Variants in ACYP2 observed in about 807,000 individuals in gnomAD.
ACYP2 encodes acylphosphatase-2.
Under a neutral mutation model 11.2 loss-of-function variants are expected in ACYP2, and 12 were observed. The observed-to-expected ratio is 1.08, with a 90% CI of 0.69 to 1.74. ACYP2 has a LOEUF of 1.74. Ranked by LOEUF, ACYP2 falls within the 40% of genes most tolerant of loss-of-function variation. The probability of loss-of-function intolerance (pLI) is 0.00; values close to 1 mark genes in which losing one functional copy is unlikely to be tolerated. For missense variants in ACYP2, 134 were observed against 101.9 expected (o/e 1.31, Z -1.35); for synonymous variants, 43 against 32.2 (o/e 1.33, Z -1.13).
intron 6 of ACYP2, among the ~76,000 whole-genome samples, chr2:54,229,739 G>T (rs1373870194): frequency 6.6e-6 from 1 of 152,092 alleles, no homozygotes; most frequent in African/African-American, 2.4e-5. Context: ...TAGTTTCTTA[G>T]AACTAGTTGT....
At chr2:54,023,985 A>T (rs924603035) in intron 2 of ACYP2, among the ~76,000 whole-genome samples, 2 of 152,212 alleles carry the variant, frequency 1.3e-5, no homozygotes, top group Non-Finnish European at 2.9e-5. Flanking sequence ...GAAAGGACAT[A>T]ACAAAAAAAG....
rs114384501 is a variant in ACYP2 at position 54,210,262 on chromosome 2, A to C, written c.404+71514A>C. Among the ~76,000 whole-genome samples the C allele has an allele frequency of 5.2e-3, 799 of 152,200 alleles. 5 individuals carry two copies. Among genetic ancestry groups the C allele is most frequent in the African/African-American group, 0.018 (765 of 41,526 alleles). On this transcript the variant is annotated intron_variant, in intron 6 of 6. Coordinates refer to ENST00000607452, the MANE Select transcript of ACYP2 (RefSeq NM_001320586.2). ...AGCAGAGTTCCCCAAGTTGAGAAAT[A>C]GATCCCATCCTCTTTTAGAAAAATA... is the stretch of plus-strand genomic sequence containing the variant.
intron 6 of ACYP2, chr2:54,267,272 C>G: frequency 6.5e-7 from 1 of 1,546,160 alleles, no homozygotes; most frequent in Non-Finnish European, 8.7e-7. Flanking sequence ...AAAGGAAATT[C>G]AGAATTTCCA....
chr2:54,267,749 G>T (rs1688102614), intron 6 of ACYP2, among the ~76,000 whole-genome samples: 1 of 152,104 alleles, frequency 6.6e-6, no homozygotes. Context: ...ATGATTGTTG[G>T]CAAAAGAACA....
chr2:54,227,236 A>T (rs1686045515), intron 6 of ACYP2, among the ~76,000 whole-genome samples: 2 of 152,242 alleles, frequency 1.3e-5, no homozygotes, highest in Non-Finnish European at 2.9e-5. Context: ...AAAGCAGTTT[A>T]ACTAAGTATT....
intron 4 of ACYP2, among the ~76,000 whole-genome samples, chr2:54,131,212 G>C (rs1283784968): frequency 6.6e-6 from 1 of 152,184 alleles, no homozygotes; most frequent in Non-Finnish European, 1.5e-5. Context: ...GATTATGTTA[G>C]TGTGAATAAA....
chr2:53,994,068 C>T lies in ACYP2; in HGVS notation c.62+20258C>T, dbSNP rs371139546. Reference sequence around the variant, plus strand: ...CCAGGCGGCTGGGCGTAGTGGCTCACGCCTGTAATCCCAGCACTTTGGGAG... The same window carrying T: ...CCAGGCGGCTGGGCGTAGTGGCTCATGCCTGTAATCCCAGCACTTTGGGAG... On this transcript the variant is annotated intron_variant, in intron 2 of 6. Transcript: ENST00000607452. Among the ~76,000 whole-genome samples the T allele has an allele frequency of 1.1e-3, 162 of 152,160 alleles. 1 individual carries two copies. Among genetic ancestry groups the T allele is most frequent in the African/African-American group, 3.6e-3 (148 of 41,526 alleles).
At chr2:54,207,244 A>G (rs113185473) in intron 6 of ACYP2, among the ~76,000 whole-genome samples, 1 of 147,690 alleles carries the variant, frequency 6.8e-6, no homozygotes, top group African/African-American at 2.5e-5. Flanking sequence ...TGCAATTATG[A>G]TGGTGGGCAA....
At chr2:54,066,338 G>T (rs893046926) in intron 4 of ACYP2, among the ~76,000 whole-genome samples, 2 of 152,186 alleles carry the variant, frequency 1.3e-5, no homozygotes, top group African/African-American at 4.8e-5. Context: ...TGCCATGATT[G>T]TAAGTTTCTT....
intron 2 of ACYP2, among the ~76,000 whole-genome samples, chr2:54,012,583 G>C (rs140661504): frequency 1.3e-5 from 2 of 152,288 alleles, no homozygotes; most frequent in East Asian, 3.9e-4. Flanking sequence ...CTAGAAGCAT[G>C]ACACTCTCCC....
intron 6 of ACYP2, among the ~76,000 whole-genome samples, chr2:54,226,132 G>T (rs370600595): frequency 6.6e-6 from 1 of 152,182 alleles, no homozygotes; most frequent in East Asian, 1.9e-4. Context: ...AGAAATCCCA[G>T]ACTGGCACCA....
chr2:54,267,929 G>A (rs1254792447), intron 6 of ACYP2, among the ~76,000 whole-genome samples: 1 of 152,212 alleles, frequency 6.6e-6, no homozygotes, highest in East Asian at 1.9e-4. Flanking sequence ...TTCATGCTAA[G>A]CACATCTGTG....
intron 2 of ACYP2, among the ~76,000 whole-genome samples, chr2:53,977,205 G>A (rs540518420): frequency 5.5e-4 from 84 of 152,022 alleles, no homozygotes; most frequent in African/African-American, 1.8e-3. Flanking sequence ...CCGCCATCAC[G>A]CCCAGCTAAT....
intron 6 of ACYP2, among the ~76,000 whole-genome samples, chr2:54,235,389 C>A (rs909246291): frequency 6.6e-6 from 1 of 152,106 alleles, no homozygotes; most frequent in Admixed American, 6.6e-5. Flanking sequence ...CGCTCTGTCA[C>A]CCAGGCTGGA....
In ACYP2 at chr2:54,144,396, G is replaced by A. The variant is rs915629412; in HGVS notation, c.404+5648G>A. 2.0e-5 allele frequency among the ~76,000 whole-genome samples: 3 copies of A among 151,922 alleles called. No individual in the cohort carries two copies. The East Asian group carries it at 5.8e-4, about 29-fold the overall frequency. On this transcript the variant is annotated intron_variant, in intron 6 of 6. Coordinates refer to ENST00000607452, the MANE Select transcript of ACYP2 (RefSeq NM_001320586.2). ...AAATTTTATAATTTAAAAAATCTCG[G>A]CCGGTGCGGTGGCTCACGCCTGTAA... is the stretch of plus-strand genomic sequence containing the variant.
chr2:54,096,861 G>A (rs371467251), intron 4 of ACYP2, among the ~76,000 whole-genome samples: 1 of 142,024 alleles, frequency 7.0e-6, no homozygotes, highest in Admixed American at 7.3e-5. Context: ...AGAGGGAGAG[G>A]GGGAGGGGGA....
Position 54,095,509 on chromosome 2 carries a change from G to T in ACYP2, c.277+38149G>T, listed in dbSNP as rs976337724. Among the ~76,000 whole-genome samples, 8 of 150,610 alleles carry T rather than the reference G, an allele frequency of 5.3e-5. No homozygotes were observed. The East Asian group carries it at 1.6e-3, about 30-fold the overall frequency. Reference sequence around the variant, plus strand: ...CCCGGACGGGGCGGCTGGCTGGGCGGGGGGCTGACCCCCCCACCTCCCTCC... The same window carrying T: ...CCCGGACGGGGCGGCTGGCTGGGCGTGGGGCTGACCCCCCCACCTCCCTCC... On this transcript the variant is annotated intron_variant, in intron 4 of 6. Coordinates refer to ENST00000607452, the MANE Select transcript of ACYP2 (RefSeq NM_001320586.2).
chr2:53,972,000 A>G (rs1273722247), intron 1 of ACYP2, among the ~76,000 whole-genome samples: 1 of 152,240 alleles, frequency 6.6e-6, no homozygotes, highest in Non-Finnish European at 1.5e-5. Flanking sequence ...GGATGATATA[A>G]TTTACATTTT....
chr2:54,187,531 T>C (rs1206942154), intron 6 of ACYP2, among the ~76,000 whole-genome samples: 1 of 151,992 alleles, frequency 6.6e-6, no homozygotes, highest in Non-Finnish European at 1.5e-5. Flanking sequence ...GAAAGAGATG[T>C]AGGGAAGGAT....
Sources: allele counts gnomAD v4.1 joint callset (sites outside exome capture counted in the v4.1 genomes callset), GRCh38; gene constraint gnomAD v4.1.1; transcripts MANE v1.5; gene names NCBI Gene and HGNC (gene_info 2026-07-23, HGNC 2026-07-21).